The following RANBP2 variants were observed in gnomAD, a reference collection of about 807,000 sequenced individuals.
RANBP2 encodes E3 SUMO-protein ligase RanBP2.
In RANBP2, 57 loss-of-function variants were observed where a neutral mutation model predicts 303.6. The observed-to-expected ratio is 0.19, with a 90% confidence interval of 0.15 to 0.23. The LOEUF is 0.23. RANBP2 is among the 10% of genes least tolerant of loss of function. The pLI, the probability that RANBP2 is intolerant of heterozygous loss-of-function variation, is 1.00. For missense variants in RANBP2, 3,138 were observed against 3,780.8 expected (o/e 0.83, Z 4.46); for synonymous variants, 1,167 against 1,301.5 (o/e 0.90, Z 2.23).
chr2:109,028,621 C>T, the RANBP2 span, among the ~76,000 whole-genome samples: 1 of 152,180 alleles, frequency 6.6e-6, no homozygotes, highest in Non-Finnish European at 1.5e-5. Flanking sequence ...CCCAACAGCC[C>T]TCACTTAGAG....
the RANBP2 span, among the ~76,000 whole-genome samples, chr2:109,714,027 C>A: frequency 3.3e-5 from 5 of 152,220 alleles, no homozygotes; most frequent in Non-Finnish European, 5.9e-5. Flanking sequence ...GGACTGCCCC[C>A]ACTTCAGACG....
At chr2:108,800,667 T>G in the RANBP2 span, among the ~76,000 whole-genome samples, 1 of 119,386 alleles carries the variant, frequency 8.4e-6, no homozygotes, top group Admixed American at 9.4e-5. Context: ...AGGGTACATG[T>G]GCACATTGTG....
chr2:109,794,730 C>G, the RANBP2 span: 1 of 534,632 alleles, frequency 1.9e-6, no homozygotes, highest in Non-Finnish European at 2.2e-6. Context: ...GGCGGCGTGG[C>G]GCTTGCAAGC....
the RANBP2 span, among the ~76,000 whole-genome samples, chr2:108,992,245 G>A: frequency 1.3e-5 from 2 of 152,172 alleles, no homozygotes; most frequent in East Asian, 1.9e-4. Flanking sequence ...CGTCTTCTAC[G>A]TGCCGGTACT....
At chr2:109,627,228 G>A in the RANBP2 span, among the ~76,000 whole-genome samples, 3 of 152,110 alleles carry the variant, frequency 2.0e-5, no homozygotes, top group East Asian at 1.9e-4. Context: ...ATGGGGTCTC[G>A]CTCTGTCACC....
At chr2:109,124,420 C>T in the RANBP2 span, 12 of 152,190 alleles carry the variant, frequency 7.9e-5, no homozygotes, top group Non-Finnish European at 1.2e-4. Flanking sequence ...GTGATCTGCC[C>T]GCCTCGGCCT....
chr2:109,338,537 A>G, the RANBP2 span, among the ~76,000 whole-genome samples: 1 of 152,066 alleles, frequency 6.6e-6, no homozygotes, highest in African/African-American at 2.4e-5. Flanking sequence ...CCCCCGGCAC[A>G]GTCAAAAACC....
chr2:109,499,282 G>T, the RANBP2 span, among the ~76,000 whole-genome samples: 1 of 152,126 alleles, frequency 6.6e-6, no homozygotes, highest in East Asian at 1.9e-4. Flanking sequence ...GAGTGCCTTC[G>T]CCCTGCCAGG....
chr2:109,135,464 G>A, the RANBP2 span, among the ~76,000 whole-genome samples: 1 of 152,214 alleles, frequency 6.6e-6, no homozygotes, highest in Non-Finnish European at 1.5e-5. Context: ...CTGCTTCTTA[G>A]ATAAATAGGA....
In RANBP2 at chr2:108,740,695, T is replaced by C. The variant is rs1406608262; in HGVS notation, c.975+14T>C. ...ATAGCATTTCAGGTAAGTCTTCCAC[T>C]TGTAGGAGCAATTGACATTTCACTG... On this transcript the variant is annotated intron_variant, in intron 7 of 28. Coordinates refer to ENST00000283195, the MANE Select transcript of RANBP2 (RefSeq NM_006267.5). 1 of 1,597,522 alleles carries C rather than the reference T, an allele frequency of 6.3e-7. No homozygotes were observed. Among genetic ancestry groups the C allele is most frequent in the Non-Finnish European group, 8.5e-7 (1 of 1,179,756 alleles).
chr2:109,515,511 G>A, the RANBP2 span, among the ~76,000 whole-genome samples: 1 of 152,006 alleles, frequency 6.6e-6, no homozygotes, highest in Non-Finnish European at 1.5e-5. Context: ...TCCCTTCCTA[G>A]GCCCCAGATC....
the RANBP2 span, among the ~76,000 whole-genome samples, chr2:108,998,814 A>G: frequency 6.6e-6 from 1 of 152,064 alleles, no homozygotes; most frequent in African/African-American, 2.4e-5. Context: ...TGGCCCAAGT[A>G]AACACAAAAA....
chr2:109,375,101 G>A, the RANBP2 span, among the ~76,000 whole-genome samples: 1 of 152,030 alleles, frequency 6.6e-6, no homozygotes, highest in Non-Finnish European at 1.5e-5. Flanking sequence ...AGAAATAATC[G>A]TCTCTCCACA....
the RANBP2 span, among the ~76,000 whole-genome samples, chr2:109,195,425 C>T: frequency 2.0e-5 from 3 of 152,246 alleles, no homozygotes; most frequent in Non-Finnish European, 4.4e-5. Flanking sequence ...CCAGCGTCTG[C>T]CACTCATGCC....
rs564871317 is a variant in RANBP2 at position 108,721,596 on chromosome 2, C to T, written c.72+1918C>T. Among the ~76,000 whole-genome samples the T allele has an allele frequency of 9.4e-4, 143 of 152,198 alleles. 1 individual carries two copies. The highest frequency in any genetic ancestry group is 3.4e-3 in the African/African-American group (141 of 41,518). ...GTTGGGACCACAGGTGTACCCACCA[C>T]ACCCGCTGTTTTGTTTTGTTTTGTA... On this transcript the variant is annotated intron_variant, in intron 1 of 28. Coordinates refer to ENST00000283195, the MANE Select transcript of RANBP2 (RefSeq NM_006267.5).
At chr2:109,678,168 G>T in the RANBP2 span, among the ~76,000 whole-genome samples, 1 of 152,186 alleles carries the variant, frequency 6.6e-6, no homozygotes, top group African/African-American at 2.4e-5. Flanking sequence ...AGAGTTTTTT[G>T]ACCTATTTCA....
the RANBP2 span, chr2:109,502,397 A>G: frequency 2.6e-5 from 4 of 152,188 alleles, no homozygotes; most frequent in Non-Finnish European, 5.9e-5. Flanking sequence ...TATTTTTCAT[A>G]CATCTGGTGC....
the RANBP2 span, among the ~76,000 whole-genome samples, chr2:109,319,757 C>T: frequency 1.3e-5 from 2 of 152,328 alleles, no homozygotes; most frequent in South Asian, 2.1e-4. Context: ...CTGTCCAGGC[C>T]GTGTGTGGCT....
At chr2:108,892,414 C>A in the RANBP2 span, among the ~76,000 whole-genome samples, 2 of 152,124 alleles carry the variant, frequency 1.3e-5, no homozygotes, top group African/African-American at 4.8e-5. Context: ...GTTTCTTAGC[C>A]CTGGCTGTGG....
Sources: gnomAD v4.1 joint callset for allele counts (sites outside exome capture counted in the v4.1 genomes callset) on GRCh38, gnomAD v4.1.1 for gene constraint, MANE v1.5 for transcripts, NCBI Gene and HGNC (gene_info 2026-07-23, HGNC 2026-07-21) for gene names.